Variants in LRP1B observed in about 807,000 individuals in gnomAD.
The protein encoded by LRP1B is LDL receptor related protein 1B, also known as low-density lipoprotein receptor-related protein 1B.
A neutral mutation model predicts 556.6 loss-of-function variants in LRP1B; 217 were observed. The ratio of observed to expected loss-of-function variants is 0.39; its 90% confidence interval spans 0.35 to 0.44. LRP1B has a LOEUF of 0.44. Among genes scored for constraint, LRP1B ranks in the 20% least tolerant of loss-of-function variants. The pLI is 1.00. For synonymous variants in LRP1B, 2,047 were observed against 1,865.8 expected (o/e 1.10, Z -2.50); for missense variants, 5,053 against 5,620.8 (o/e 0.90, Z 3.23).
At chr2:142,033,638 T>C (rs1174843803) in intron 1 of LRP1B, among the ~76,000 whole-genome samples, 1 of 151,676 alleles carries the variant, frequency 6.6e-6, no homozygotes, top group Non-Finnish European at 1.5e-5. Context: ...AGTTGTTTCA[T>C]TCTCCTTCTA....
intron 86 of LRP1B, among the ~76,000 whole-genome samples, chr2:140,261,071 T>TA (rs1475419725): frequency 1.1e-4 from 15 of 141,628 alleles, no homozygotes; most frequent in African/African-American, 3.8e-4. Flanking sequence ...ATATATATAA[T>TA]ATATATGATG....
intron 1 of LRP1B, among the ~76,000 whole-genome samples, chr2:141,934,819 C>T (rs1289448065): frequency 6.6e-6 from 1 of 152,146 alleles, no homozygotes; most frequent in African/African-American, 2.4e-5. Flanking sequence ...TGAGGCCTCC[C>T]CAGCCATGTG....
intron 7 of LRP1B, among the ~76,000 whole-genome samples, chr2:141,121,651 T>G (rs916835473): frequency 3.3e-5 from 5 of 152,034 alleles, no homozygotes; most frequent in African/African-American, 7.2e-5. Flanking sequence ...GAAGAATCAA[T>G]ATCGTGAAAA....
At chr2:140,347,753 G>A (rs1681757685) in intron 77 of LRP1B, among the ~76,000 whole-genome samples, 1 of 151,920 alleles carries the variant, frequency 6.6e-6, no homozygotes, top group Non-Finnish European at 1.5e-5. Context: ...TATTGATTCA[G>A]AGATAGGTAG....
chr2:141,562,156 G>A (rs1268493731), intron 2 of LRP1B, among the ~76,000 whole-genome samples: 1 of 151,910 alleles, frequency 6.6e-6, no homozygotes, highest in African/African-American at 2.4e-5. Flanking sequence ...AGAGGAAAAA[G>A]GATGTATAAT....
intron 7 of LRP1B, among the ~76,000 whole-genome samples, chr2:141,102,287 C>T (rs984217190): frequency 1.3e-5 from 2 of 151,982 alleles, no homozygotes; most frequent in African/African-American, 2.4e-5. Context: ...GCAACACAGG[C>T]GATATACCTC....
chr2:140,886,111 C>T (rs2105191797), intron 24 of LRP1B, 27 bp downstream of exon 24: 1 of 1,393,152 alleles, frequency 7.2e-7, no homozygotes, highest in Non-Finnish European at 9.8e-7. Context: ...GTAATCTAAA[C>T]ATTAAGAAAA....
chr2:141,206,570 G>A (rs965060323), intron 6 of LRP1B, among the ~76,000 whole-genome samples: 1 of 150,494 alleles, frequency 6.6e-6, no homozygotes, highest in Non-Finnish European at 1.5e-5. Flanking sequence ...CTGGGCGACA[G>A]AGCAAGACTC....
At chr2:141,898,999 G>A (rs371055369) in intron 1 of LRP1B, among the ~76,000 whole-genome samples, 70 of 152,214 alleles carry the variant, frequency 4.6e-4, no homozygotes, top group African/African-American at 1.4e-3. Flanking sequence ...ACAGATATAC[G>A]TCTGCCAAAT....
chr2:140,872,200 A>C (rs1693156600), intron 25 of LRP1B, among the ~76,000 whole-genome samples: 1 of 151,226 alleles, frequency 6.6e-6, no homozygotes, highest in Non-Finnish European at 1.5e-5. Flanking sequence ...GAGGGACCTA[A>C]AATAGTTTAT....
chr2:141,146,576 A>G (rs952618492), intron 7 of LRP1B, among the ~76,000 whole-genome samples: 7 of 152,226 alleles, frequency 4.6e-5, no homozygotes, highest in Non-Finnish European at 1.0e-4. Context: ...GATTAGGCAC[A>G]TGTAGAATAT....
intron 32 of LRP1B, among the ~76,000 whole-genome samples, chr2:140,805,636 C>T (rs547192834): frequency 3.3e-5 from 5 of 152,148 alleles, no homozygotes; most frequent in Admixed American, 3.3e-4. Context: ...TTTTGTATTG[C>T]TTTAACCAAT....
At chr2:140,338,868 T>C (rs1426209320) in intron 77 of LRP1B, among the ~76,000 whole-genome samples, 5 of 151,308 alleles carry the variant, frequency 3.3e-5, no homozygotes, top group Non-Finnish European at 7.4e-5. Context: ...AATATAAAAA[T>C]TTCACTTGCC....
chr2:141,996,436 G>A (rs2105126355), intron 1 of LRP1B, among the ~76,000 whole-genome samples: 1 of 152,200 alleles, frequency 6.6e-6, no homozygotes, highest in East Asian at 1.9e-4. Flanking sequence ...AGTCAAAGAT[G>A]TTAATAGTTT....
intron 84 of LRP1B, among the ~76,000 whole-genome samples, chr2:140,294,053 C>T (rs774295189): frequency 2.0e-5 from 3 of 152,126 alleles, no homozygotes; most frequent in Non-Finnish European, 4.4e-5. Context: ...CATAAGCTAA[C>T]TGAATTTATT....
intron 50 of LRP1B, among the ~76,000 whole-genome samples, chr2:140,515,989 C>A (rs28573080): frequency 0.032 from 4,922 of 151,950 alleles, 255 homozygotes; most frequent in African/African-American, 0.11. Flanking sequence ...CTTTGATTTG[C>A]AAATCACAAA....
chr2:141,295,778 CACACACACACACAT>C (rs1255524114), intron 3 of LRP1B, among the ~76,000 whole-genome samples: 1 of 151,316 alleles, frequency 6.6e-6, no homozygotes, highest in Non-Finnish European at 1.5e-5. Flanking sequence ...CACACACACA[CACACACACACACAT>C]AACAGTGGGG....
intron 3 of LRP1B, among the ~76,000 whole-genome samples, chr2:141,374,986 G>A (rs1689374154): frequency 3.9e-5 from 6 of 152,132 alleles, no homozygotes; most frequent in Admixed American, 3.9e-4. Context: ...CACATCTGGT[G>A]TAGCAGTCAT....
intron 1 of LRP1B, among the ~76,000 whole-genome samples, chr2:141,992,833 A>C (rs542379979): frequency 2.0e-5 from 3 of 152,202 alleles, no homozygotes; most frequent in African/African-American, 7.2e-5. Context: ...GGCTCCATAG[A>C]TCTCTAAAGA....
Sources: allele counts gnomAD v4.1 joint callset (sites outside exome capture counted in the v4.1 genomes callset), GRCh38; gene constraint gnomAD v4.1.1; transcripts MANE v1.5; gene names NCBI Gene and HGNC (gene_info 2026-07-23, HGNC 2026-07-21).